C8orf89: variants seen among roughly 807,000 people sequenced by gnomAD.
C8orf89 encodes the protein putative uncharacterized protein C8orf89.
In C8orf89, 14 loss-of-function variants were observed where a neutral mutation model predicts 15.8. The ratio of observed to expected loss-of-function variants is 0.89; its 90% CI spans 0.59 to 1.39. The LOEUF (loss-of-function observed/expected upper bound fraction) is 1.39, where lower values mean the gene tolerates loss of function less well. Ranked by LOEUF, C8orf89 falls within the 40% of genes most tolerant of loss-of-function variation. C8orf89 has a pLI of 0.00. For missense variants in C8orf89, 181 were observed against 184.5 expected (o/e 0.98, Z 0.11); for synonymous variants, 55 against 62.2 (o/e 0.88, Z 0.54).
chr8:73,262,676 G>T (rs902659192), upstream of C8orf89, among the ~76,000 whole-genome samples: 18 of 151,736 alleles, frequency 1.2e-4, no homozygotes, highest in Admixed American at 1.1e-3. Context: ...AAACAGCCAA[G>T]CATAGTGGCA....
chr8:73,271,081 C>T, the C8orf89 span, among the ~76,000 whole-genome samples: 1 of 152,218 alleles, frequency 6.6e-6, no homozygotes, highest in Non-Finnish European at 1.5e-5. Flanking sequence ...ATTCCTGCCA[C>T]CCCTTCCTGG....
chr8:73,245,894 G>A lies in C8orf89; in HGVS notation c.338-4289C>T, dbSNP rs897128145. Among the ~76,000 whole-genome samples the A allele has an allele frequency of 5.3e-5, 8 of 152,164 alleles. No homozygotes were observed. The East Asian group carries it at 7.7e-4, about 15-fold the overall frequency. On this transcript the variant is annotated intron_variant, in intron 3 of 3. Transcript: ENST00000624510. ...TATAAATGAATTTCCTCAAACTTTC[G>A]AGAGAAAAATCATTCCAATTTTAGG...
chr8:73,245,718 T>C (rs1280709017), intron 3 of C8orf89, among the ~76,000 whole-genome samples: 1 of 152,152 alleles, frequency 6.6e-6, no homozygotes, highest in Non-Finnish European at 1.5e-5. Context: ...GCTAATAAAT[T>C]TTTAAAACTT....
intron 2 of C8orf89, among the ~76,000 whole-genome samples, chr8:73,251,272 G>A (rs1813239513): frequency 6.6e-6 from 1 of 152,008 alleles, no homozygotes; most frequent in African/African-American, 2.4e-5. Context: ...ATTCACACAA[G>A]GAGGGAAAAA....
chr8:73,248,808 T>C (rs1004123674), intron 3 of C8orf89, among the ~76,000 whole-genome samples: 6 of 152,344 alleles, frequency 3.9e-5, no homozygotes, highest in African/African-American at 1.2e-4. Context: ...GAAATTTTGC[T>C]GAAGTTGTTT....
chr8:73,250,330 A>G lies in C8orf89; in HGVS notation c.282-7T>C. On this transcript the variant is annotated splice_polypyrimidine_tract_variant and splice_region_variant and intron_variant, in intron 2 of 3. Transcript: ENST00000624510. ...CTCCTTAGTCTTCTTTAGCCTGAAT[A>G]TTATATATTATCATAAAATTACTTA... 1 of 1,489,474 alleles carries G rather than the reference A, an allele frequency of 6.7e-7. No homozygotes were observed. Among genetic ancestry groups the G allele is most frequent in the Non-Finnish European group, 9.0e-7 (1 of 1,108,410 alleles). 92.3% of individuals were successfully genotyped at this position (1,489,474 alleles called of 1,614,324 possible). A position where few individuals can be genotyped will look rare whatever the true frequency, so the allele number is the denominator to read the frequency against.
At chr8:73,254,998 C>T (rs1813338139) in intron 2 of C8orf89, among the ~76,000 whole-genome samples, 4 of 152,058 alleles carry the variant, frequency 2.6e-5, no homozygotes, top group Admixed American at 2.6e-4. Flanking sequence ...AATGTTAGAC[C>T]TAAAACCATA....
At position 73,241,382 on chromosome 8, in the gene C8orf89, GCAT is replaced by G; in HGVS notation, c.*72_*74del. The G allele has an allele frequency of 8.9e-7, 1 of 1,129,074 alleles. No individual in the cohort carries two copies. Among genetic ancestry groups the G allele is most frequent in the Non-Finnish European group, 1.2e-6 (1 of 866,756 alleles). 69.9% of individuals were successfully genotyped at this position (1,129,074 alleles called of 1,614,324 possible). On this transcript the variant is annotated 3_prime_UTR_variant, in exon 4 of 4. Transcript: ENST00000624510. ...TTTCCATTTTTATATAAATCATTTT[GCAT>G]CATATCATATAAAAAAAGAAAATAT...
chr8:73,273,338 C>T, the C8orf89 span, among the ~76,000 whole-genome samples: 1 of 152,240 alleles, frequency 6.6e-6, no homozygotes, highest in East Asian at 1.9e-4. Flanking sequence ...CTTGCTTCCC[C>T]TGCCTGGCCT....
chr8:73,272,648 C>T, the C8orf89 span, among the ~76,000 whole-genome samples: 4 of 151,694 alleles, frequency 2.6e-5, no homozygotes, highest in African/African-American at 9.7e-5. Context: ...TGTTCCCCTT[C>T]CTGTGTCCAA....
chr8:73,247,976 G>C (rs563607368), intron 3 of C8orf89, among the ~76,000 whole-genome samples: 1 of 151,960 alleles, frequency 6.6e-6, no homozygotes. Flanking sequence ...TTGCTTTTGC[G>C]GCATTGCTTT....
chr8:73,260,176 C>T (rs968758737), upstream of C8orf89, among the ~76,000 whole-genome samples: 2 of 152,142 alleles, frequency 1.3e-5, no homozygotes, highest in African/African-American at 4.8e-5. Flanking sequence ...CTTAGAGAAA[C>T]ATGCTAAGCA....
chr8:73,245,982 T>C, intron 3 of C8orf89, among the ~76,000 whole-genome samples: 1 of 152,170 alleles, frequency 6.6e-6, no homozygotes, highest in East Asian at 1.9e-4. Flanking sequence ...AAGGCCATTA[T>C]AATGTGGACA....
At chr8:73,273,829 T>C in the C8orf89 span, among the ~76,000 whole-genome samples, 1 of 151,828 alleles carries the variant, frequency 6.6e-6, no homozygotes. Flanking sequence ...CTTCTTAATA[T>C]CCAACTGTTT....
At chr8:73,269,295 G>C in the C8orf89 span, among the ~76,000 whole-genome samples, 2 of 152,198 alleles carry the variant, frequency 1.3e-5, no homozygotes, top group Non-Finnish European at 2.9e-5. Flanking sequence ...AAGTGATTAC[G>C]AGTATAAAAT....
upstream of C8orf89, among the ~76,000 whole-genome samples, chr8:73,263,970 G>C (rs1813575140): frequency 6.6e-6 from 1 of 152,066 alleles, no homozygotes; most frequent in African/African-American, 2.4e-5. Flanking sequence ...TGTCATATTT[G>C]TGTTTCTGTT....
At chr8:73,241,760 G>C (rs1482591224) in intron 3 of C8orf89, among the ~76,000 whole-genome samples, 155 bp from the exon 4 acceptor site, 1 of 151,552 alleles carries the variant, frequency 6.6e-6, no homozygotes, top group East Asian at 1.9e-4. Flanking sequence ...CCAAAAAAAA[G>C]CATGCATAAA....
chr8:73,272,785 C>T, the C8orf89 span, among the ~76,000 whole-genome samples: 1 of 152,152 alleles, frequency 6.6e-6, no homozygotes, highest in Admixed American at 6.5e-5. Context: ...GACATGAACT[C>T]ATCATTTTTT....
At chr8:73,277,626 G>T in the C8orf89 span, 13 of 761,560 alleles carry the variant, frequency 1.7e-5, no homozygotes, top group South Asian at 6.7e-5. Flanking sequence ...GTGGACCATA[G>T]AACTTTTTCT....
Sources: allele counts gnomAD v4.1 joint callset (sites outside exome capture counted in the v4.1 genomes callset), GRCh38; gene constraint gnomAD v4.1.1; transcripts MANE v1.5; gene names NCBI Gene and HGNC (gene_info 2026-07-23, HGNC 2026-07-21).